The following NPAS3 variants were observed in gnomAD, a reference collection of about 807,000 sequenced individuals.
NPAS3 encodes neuronal PAS domain-containing protein 3.
Under a neutral mutation model 73.1 loss-of-function variants are expected in NPAS3, and 14 were observed. The ratio of observed to expected loss-of-function variants is 0.19; its 90% CI spans 0.13 to 0.30. NPAS3 has a LOEUF of 0.30. Ranked by LOEUF, NPAS3 falls within the 10% of genes least tolerant of loss-of-function variation. The pLI, the probability that NPAS3 is intolerant of heterozygous loss-of-function variation, is 1.00. For synonymous variants in NPAS3, 620 were observed against 541.5 expected, an observed-to-expected ratio of 1.14 and a Z score of -2.01; for missense variants, 1,096 against 1,250.0, an observed-to-expected ratio of 0.88 and a Z score of 1.86.
At chr14:33,644,591 T>A (rs2140200508) in intron 5 of NPAS3, among the ~76,000 whole-genome samples, 1 of 152,296 alleles carries the variant, frequency 6.6e-6, no homozygotes, top group South Asian at 2.1e-4. Context: ...TCATCTTTAT[T>A]TCATACATGA....
chr14:33,456,402 G>A (rs971190346), intron 4 of NPAS3, among the ~76,000 whole-genome samples: 1 of 152,062 alleles, frequency 6.6e-6, no homozygotes, highest in Non-Finnish European at 1.5e-5. Context: ...AAAACTGTAG[G>A]AATAGCAACA....
intron 1 of NPAS3, among the ~76,000 whole-genome samples, chr14:33,040,705 C>T (rs763670931): frequency 6.6e-6 from 1 of 152,176 alleles, no homozygotes; most frequent in Non-Finnish European, 1.5e-5. Flanking sequence ...ACCCACCCAC[C>T]TCTAACAGGT....
chr14:32,934,817 C>T (rs2035645290), upstream of NPAS3: 2 of 329,540 alleles, frequency 6.1e-6, no homozygotes, highest in African/African-American at 2.2e-5. The surrounding 1 kb of genome is among the most constrained non-coding windows in gnomAD (Gnocchi z 4.1). Context: ...AGCCCAGAGC[C>T]GCCGCGCCCG....
At chr14:33,373,128 C>T (rs2046165186) in intron 4 of NPAS3, among the ~76,000 whole-genome samples, 1 of 152,150 alleles carries the variant, frequency 6.6e-6, no homozygotes, top group Non-Finnish European at 1.5e-5. Flanking sequence ...ATGACTTTCC[C>T]TTAGGTGCCA....
chr14:32,985,213 T>A (rs1285944927), intron 1 of NPAS3, among the ~76,000 whole-genome samples: 1 of 152,180 alleles, frequency 6.6e-6, no homozygotes, highest in Non-Finnish European at 1.5e-5. Flanking sequence ...AAGAAAGTAA[T>A]CCTACCAATG....
chr14:33,342,952 G>A (rs1013877192), intron 3 of NPAS3, among the ~76,000 whole-genome samples: 1 of 152,000 alleles, frequency 6.6e-6, no homozygotes, highest in African/African-American at 2.4e-5. Context: ...GTGTCACGAG[G>A]CATTGGCTGT....
At chr14:33,654,426 CAA>C (rs1053021599) in intron 5 of NPAS3, among the ~76,000 whole-genome samples, 7 of 152,174 alleles carry the variant, frequency 4.6e-5, no homozygotes, top group African/African-American at 1.7e-4. Context: ...CCATTTTAGA[CAA>C]GTTTCGGTTC....
rs956125873 is a variant in NPAS3 at position 33,191,229 on chromosome 14, A to G, written c.141-23953A>G. Among the ~76,000 whole-genome samples, 14 of 152,218 alleles carry G rather than the reference A, an allele frequency of 9.2e-5. No individual in the cohort carries two copies. The South Asian group carries it at 1.4e-3, about 16-fold the overall frequency. ...AGTTCTTTCTGGGGTATCACTTAGAATAAAAAGGCATTTATCAGTAGATAT... is the reference window on the plus strand; with the variant it reads ...AGTTCTTTCTGGGGTATCACTTAGAGTAAAAAGGCATTTATCAGTAGATAT... On this transcript the variant is annotated intron_variant, in intron 2 of 11. Transcript: ENST00000356141.
At position 33,130,523 on chromosome 14, in the gene NPAS3, C is replaced by T. The variant is rs536113954; in HGVS notation, c.140+74529C>T. ...GTTATTTCTATGACATCTGAGATTC[C>T]TTTGAAATCAATGATACTTTATGGA... is the stretch of plus-strand genomic sequence containing the variant. On this transcript the variant is annotated intron_variant, in intron 2 of 11. Coordinates refer to ENST00000356141, the Ensembl canonical transcript of NPAS3. Among the ~76,000 whole-genome samples, 11 of 152,180 alleles carry T rather than the reference C, an allele frequency of 7.2e-5. No homozygotes were observed. In the South Asian group the frequency reaches 2.3e-3, roughly 32 times the overall value.
At chr14:33,345,175 C>A (rs1401220743) in intron 3 of NPAS3, among the ~76,000 whole-genome samples, 1 of 152,156 alleles carries the variant, frequency 6.6e-6, no homozygotes, top group Non-Finnish European at 1.5e-5. Context: ...TTACTCTAAA[C>A]GTAAAATACA....
At chr14:33,221,696 C>T (rs1461712263) in intron 3 of NPAS3, among the ~76,000 whole-genome samples, 5 of 152,152 alleles carry the variant, frequency 3.3e-5, no homozygotes, top group East Asian at 1.9e-4. Flanking sequence ...TACAGATGTG[C>T]TCTTTTGCAT....
chr14:33,023,077 T>C (rs2138278051), intron 1 of NPAS3, among the ~76,000 whole-genome samples: 1 of 151,760 alleles, frequency 6.6e-6, no homozygotes, highest in South Asian at 2.1e-4. Context: ...ACAAAAATAG[T>C]GGCAAACACA....
At chr14:33,399,936 G>A (rs2047380610) in intron 4 of NPAS3, among the ~76,000 whole-genome samples, 1 of 151,928 alleles carries the variant, frequency 6.6e-6, no homozygotes, top group African/African-American at 2.4e-5. Flanking sequence ...TTCCTCAACT[G>A]AAAAACAGAA....
At chr14:33,534,526 A>G (rs1023963928) in intron 4 of NPAS3, among the ~76,000 whole-genome samples, 1 of 152,176 alleles carries the variant, frequency 6.6e-6, no homozygotes, top group Non-Finnish European at 1.5e-5. Context: ...AGTATTTTCA[A>G]GTCATAGAAA....
At chr14:32,946,528 C>G (rs1288301726) in intron 1 of NPAS3, among the ~76,000 whole-genome samples, 1 of 152,152 alleles carries the variant, frequency 6.6e-6, no homozygotes, top group African/African-American at 2.4e-5. Context: ...TGTGGGTGTT[C>G]ATTGCAGAAT....
chr14:33,301,513 T>C (rs1019527756), intron 3 of NPAS3, among the ~76,000 whole-genome samples: 1 of 151,796 alleles, frequency 6.6e-6, no homozygotes, highest in South Asian at 2.1e-4. Flanking sequence ...CTTGTGAGCT[T>C]CTTTTCAGTG....
chr14:33,663,903 TA>T (rs1266724892), intron 5 of NPAS3, among the ~76,000 whole-genome samples: 1 of 152,144 alleles, frequency 6.6e-6, no homozygotes, highest in African/African-American at 2.4e-5. Context: ...TACCATTTTT[TA>T]TTGTGTCTAT....
intron 7 of NPAS3, among the ~76,000 whole-genome samples, chr14:33,759,922 T>C (rs1334996265): frequency 6.6e-6 from 1 of 152,242 alleles, no homozygotes; most frequent in Non-Finnish European, 1.5e-5. Flanking sequence ...TATTTAAGCA[T>C]ATATAAGATT....
intron 4 of NPAS3, among the ~76,000 whole-genome samples, chr14:33,480,072 C>T (rs935220591): frequency 2.0e-5 from 3 of 152,080 alleles, no homozygotes; most frequent in Non-Finnish European, 2.9e-5. Flanking sequence ...AAAAGAAGCA[C>T]GAAGCCCTTT....
Sources: allele counts gnomAD v4.1 joint callset (sites outside exome capture counted in the v4.1 genomes callset), GRCh38; gene constraint gnomAD v4.1.1; non-coding constraint Gnocchi (gnomAD v3.1); transcripts MANE v1.5; gene names NCBI Gene and HGNC (gene_info 2026-07-23, HGNC 2026-07-21).